Variants in ZBTB20 observed in about 807,000 individuals in gnomAD.
ZBTB20 encodes the protein zinc finger and BTB domain containing 20, also known as zinc finger and BTB domain-containing protein 20.
Under a neutral mutation model 56.9 loss-of-function variants are expected in ZBTB20, and 9 were observed. The ratio of observed to expected loss-of-function variants is 0.16; its 90% CI spans 0.10 to 0.28. ZBTB20 has a LOEUF of 0.28. Among genes scored for constraint, ZBTB20 ranks in the 10% least tolerant of loss-of-function variants. The probability of loss-of-function intolerance (pLI) is 1.00; values close to 1 mark genes in which losing one functional copy is unlikely to be tolerated. For missense variants in ZBTB20, 655 were observed against 1,003.0 expected, an observed-to-expected ratio of 0.65 and a Z score of 4.69; for synonymous variants, 417 against 420.7, an observed-to-expected ratio of 0.99 and a Z score of 0.11.
intron 6 of ZBTB20, among the ~76,000 whole-genome samples, chr3:114,618,203 C>A (rs1308657777): frequency 6.7e-6 from 1 of 148,234 alleles, no homozygotes; most frequent in African/African-American, 2.5e-5. Flanking sequence ...TGAATAATAA[C>A]TGACACAGAG....
At chr3:114,564,036 G>A (rs2052418958) in intron 6 of ZBTB20, among the ~76,000 whole-genome samples, 1 of 152,018 alleles carries the variant, frequency 6.6e-6, no homozygotes, top group Non-Finnish European at 1.5e-5. Context: ...CTTTCCTTGA[G>A]TTTTCCAGTT....
rs549142458 is a variant in ZBTB20 at position 114,518,206 on chromosome 3, T to A, written c.-294-17815A>T. Among the ~76,000 whole-genome samples the A allele has an allele frequency of 2.6e-5, 4 of 152,030 alleles. No individual in the cohort carries two copies. In the East Asian group the frequency reaches 7.8e-4, roughly 30 times the overall value. ...GAAGTTTTCGGTTTCTTCTTCCTCA[T>A]CCCCTTTCAACCATGTACACACATT... On this transcript the variant is annotated intron_variant, in intron 6 of 11. Transcript: ENST00000675478.
chr3:114,749,891 C>T (rs1270662987), intron 5 of ZBTB20, among the ~76,000 whole-genome samples: 2 of 152,166 alleles, frequency 1.3e-5, no homozygotes, highest in African/African-American at 4.8e-5. Context: ...ACAGAGAGGT[C>T]ACTCAATACA....
At chr3:114,703,719 C>A (rs969631219) in intron 5 of ZBTB20, among the ~76,000 whole-genome samples, 8 of 152,174 alleles carry the variant, frequency 5.3e-5, no homozygotes, top group African/African-American at 1.9e-4. Flanking sequence ...ACAACACACT[C>A]ACTAAAGACA....
In ZBTB20 at chr3:114,322,023, CACA is replaced by C. The variant is rs1299040545; in HGVS notation, c.*16979_*16981del. ...TGGGCGTTTCAACCACTCCAGAAAT[CACA>C]ACAAAATCCAGACTGTGGCTTTTTC... On this transcript the variant is annotated 3_prime_UTR_variant, in exon 12 of 12. Transcript: ENST00000675478. The C allele has an allele frequency of 1.3e-5, 2 of 152,248 alleles. No individual in the cohort carries two copies. Among genetic ancestry groups the C allele is most frequent in the African/African-American group, 4.8e-5 (2 of 41,464 alleles). The allele number at this position is 152,248 out of a possible 1,614,324, so 9.4% of individuals were successfully genotyped here. A position where few individuals can be genotyped will look rare whatever the true frequency, so the allele number is the denominator to read the frequency against.
chr3:114,912,411 TA>T (rs1165950166), intron 3 of ZBTB20, among the ~76,000 whole-genome samples: 1 of 151,798 alleles, frequency 6.6e-6, no homozygotes, highest in Non-Finnish European at 1.5e-5. Flanking sequence ...CACTTTTTAA[TA>T]GGGTTATTTG....
chr3:114,871,779 T>C (rs2076021102), intron 4 of ZBTB20, among the ~76,000 whole-genome samples: 1 of 152,126 alleles, frequency 6.6e-6, no homozygotes, highest in African/African-American at 2.4e-5. Context: ...TTCTTCTTCA[T>C]AAAAAAGCTA....
chr3:115,123,611 T>G (rs1365325027), intron 1 of ZBTB20, among the ~76,000 whole-genome samples: 1 of 152,184 alleles, frequency 6.6e-6, no homozygotes, highest in African/African-American at 2.4e-5. Context: ...CTGAGGGAAG[T>G]TCCTCCAGCC....
At chr3:114,710,937 C>T (rs149786928) in intron 5 of ZBTB20, among the ~76,000 whole-genome samples, 1 of 152,284 alleles carries the variant, frequency 6.6e-6, no homozygotes, top group East Asian at 1.9e-4. Flanking sequence ...TCTTCTTGCT[C>T]TTCCTGGAAA....
intron 2 of ZBTB20, among the ~76,000 whole-genome samples, chr3:115,000,752 T>A (rs1026073916): frequency 6.6e-6 from 1 of 151,630 alleles, no homozygotes; most frequent in Non-Finnish European, 1.5e-5. Context: ...CCAAATGCTA[T>A]ATATCTGGAT....
intron 6 of ZBTB20, among the ~76,000 whole-genome samples, chr3:114,647,910 A>G (rs2059933364): frequency 1.3e-5 from 2 of 152,154 alleles, no homozygotes. Flanking sequence ...GTAGAAGAAA[A>G]ATGATTAATC....
chr3:114,859,273 T>A (rs1163276270), intron 4 of ZBTB20, among the ~76,000 whole-genome samples: 1 of 125,408 alleles, frequency 8.0e-6, no homozygotes, highest in Non-Finnish European at 1.7e-5. Flanking sequence ...CCTTCCATTC[T>A]TCCTTCCTTC....
At chr3:114,416,094 T>C (rs542936920) in intron 7 of ZBTB20, among the ~76,000 whole-genome samples, 1 of 152,162 alleles carries the variant, frequency 6.6e-6, no homozygotes, top group South Asian at 2.1e-4. Context: ...ACTTAGCCAG[T>C]ATTACAGATT....
chr3:115,084,971 TTTG>T (rs748611015), intron 1 of ZBTB20, among the ~76,000 whole-genome samples: 11 of 151,934 alleles, frequency 7.2e-5, no homozygotes, highest in South Asian at 4.2e-4. Context: ...CCTGTTTTGT[TTTG>T]TTGTTGTTGT....
chr3:114,503,150 C>T (rs1018913387), intron 6 of ZBTB20, among the ~76,000 whole-genome samples: 1 of 152,120 alleles, frequency 6.6e-6, no homozygotes, highest in Non-Finnish European at 1.5e-5. Flanking sequence ...GAATGAAAAA[C>T]TATCTTTCCT....
chr3:114,548,201 G>A (rs1269903560), intron 6 of ZBTB20, among the ~76,000 whole-genome samples: 1 of 152,162 alleles, frequency 6.6e-6, no homozygotes, highest in Non-Finnish European at 1.5e-5. Context: ...TAGTTATATT[G>A]TGGATTCTTT....
rs188651938 is a variant in ZBTB20 at position 114,442,142 on chromosome 3, C to T, written c.-254-53037G>A. ...ATGTCAGTTTCCCCCTTTTAGATAA[C>T]AATTCAAGGTAAAGCCCAAGAGGCA... On this transcript the variant is annotated intron_variant, in intron 7 of 11. Transcript: ENST00000675478. Among the ~76,000 whole-genome samples the T allele has an allele frequency of 9.9e-5, 15 of 152,222 alleles. No individual in the cohort carries two copies. The East Asian group carries it at 1.4e-3, about 14-fold the overall frequency.
At chr3:115,075,931 T>G (rs1002773329) in intron 1 of ZBTB20, among the ~76,000 whole-genome samples, 21 of 151,400 alleles carry the variant, frequency 1.4e-4, no homozygotes, top group Middle Eastern at 3.4e-3. Flanking sequence ...TTCAATAGAG[T>G]TGTAGGACAC....
chr3:114,859,287 T>TTC (rs1560330459), intron 4 of ZBTB20, among the ~76,000 whole-genome samples: 1 of 142,806 alleles, frequency 7.0e-6, no homozygotes, highest in East Asian at 2.1e-4. Context: ...TTCCTTCCTT[T>TTC]CTTCCTTCCT....
Sources: allele counts gnomAD v4.1 joint callset (sites outside exome capture counted in the v4.1 genomes callset), GRCh38; gene constraint gnomAD v4.1.1; transcripts MANE v1.5; gene names NCBI Gene and HGNC (gene_info 2026-07-23, HGNC 2026-07-21).